Variants in TBX19 observed in about 807,000 individuals in gnomAD.
TBX19 encodes T-box transcription factor 19, also known as T-box transcription factor TBX19.
In TBX19, 33 loss-of-function variants were observed where a neutral mutation model predicts 40.9. The ratio of observed to expected loss-of-function variants is 0.81; its 90% CI spans 0.61 to 1.08. TBX19 has a LOEUF of 1.08. Among genes scored for constraint, TBX19 ranks in the 50% least tolerant of loss-of-function variants. The pLI is 0.00. For missense variants in TBX19, 494 were observed against 574.0 expected (o/e 0.86, Z 1.42); for synonymous variants, 220 against 225.0 (o/e 0.98, Z 0.20).
At chr1:168,294,188 T>G (rs529510069) in intron 3 of TBX19, among the ~76,000 whole-genome samples, 2 of 152,318 alleles carry the variant, frequency 1.3e-5, no homozygotes, top group South Asian at 4.1e-4. Context: ...TTCCTCAGTT[T>G]AAGGGTGTAT....
chr1:168,295,160 G>A (rs977070263), intron 3 of TBX19, among the ~76,000 whole-genome samples: 30 of 151,936 alleles, frequency 2.0e-4, no homozygotes, highest in African/African-American at 6.8e-4. Flanking sequence ...GTGCAGTGGC[G>A]GGTGCCTGTA....
intron 4 of TBX19, among the ~76,000 whole-genome samples, chr1:168,299,132 C>T (rs1009144537): frequency 1.3e-5 from 2 of 151,574 alleles, no homozygotes; most frequent in Non-Finnish European, 2.9e-5. Flanking sequence ...GTTGGCCAGG[C>T]TGGTCTTGAA....
intron 1 of TBX19, 31 bp downstream of exon 1, chr1:168,281,324 G>T (rs1558187899): frequency 6.2e-7 from 1 of 1,601,198 alleles, no homozygotes; most frequent in Non-Finnish European, 8.6e-7. Context: ...GCGTGGGCTG[G>T]CAGGGCTTGG....
rs1416318448 is a variant in TBX19, at chr1:168,305,161, C to T, written c.881C>T (p.Pro294Leu). The T allele has an allele frequency of 3.7e-6, 6 of 1,613,320 alleles. No homozygotes were observed. Among genetic ancestry groups the T allele is most frequent in the South Asian group, 1.1e-5 (1 of 91,084 alleles). Residue 294 changes from proline to leucine, a missense_variant, in exon 6 of 8, where the codon CCT becomes CTT. By Grantham distance (98) the Pro-to-Leu change is moderately conservative. Transcript: ENST00000367821. ...GLRGHRQAPY[P>L]SAYMHRNHSP... ...CGAGGACACCGGCAGGCTCCCTACCCTTCTGCGTACATGCACAGAAACCAT... is the reference window on the plus strand; with the variant it reads ...CGAGGACACCGGCAGGCTCCCTACCTTTCTGCGTACATGCACAGAAACCAT...
intron 5 of TBX19, among the ~76,000 whole-genome samples, chr1:168,302,451 T>C (rs1572480997): frequency 6.6e-6 from 1 of 152,198 alleles, no homozygotes. Flanking sequence ...GCTCTGTTTC[T>C]ATCTGAATCC....
chr1:168,292,800 C>G (rs886861497), intron 2 of TBX19, among the ~76,000 whole-genome samples: 2 of 142,394 alleles, frequency 1.4e-5, no homozygotes, highest in African/African-American at 5.2e-5. Context: ...GGAGGCGGAG[C>G]TTGCAGTGAG....
At chr1:168,301,011 C>T (rs1341287812) in intron 5 of TBX19, among the ~76,000 whole-genome samples, 1 of 152,206 alleles carries the variant, frequency 6.6e-6, no homozygotes, top group African/African-American at 2.4e-5. Context: ...AGGGTGTTAC[C>T]TTGTCCATGT....
intron 3 of TBX19, among the ~76,000 whole-genome samples, chr1:168,296,533 G>A (rs1007809882): frequency 1.3e-5 from 2 of 152,042 alleles, no homozygotes; most frequent in Admixed American, 6.6e-5. Context: ...TCACTACCAC[G>A]AGAACAGTAT....
rs1648633143 is a variant in TBX19 at position 168,281,018 on chromosome 1, G to A, written c.-73G>A. ...CTGTTCAAGTGGGTTTGAAAAGCAGGCAAGTGAGGGAAGGAAGAAGCTAGA... is the reference window on the plus strand; with the variant it reads ...CTGTTCAAGTGGGTTTGAAAAGCAGACAAGTGAGGGAAGGAAGAAGCTAGA... On this transcript the variant is annotated 5_prime_UTR_variant, in exon 1 of 8. Coordinates refer to ENST00000367821, the MANE Select transcript of TBX19 (RefSeq NM_005149.3). 2 of 1,442,444 alleles carry A rather than the reference G, an allele frequency of 1.4e-6. No homozygotes were observed. Among genetic ancestry groups the A allele is most frequent in the Non-Finnish European group, 9.7e-7 (1 of 1,031,772 alleles). 89.4% of individuals were successfully genotyped at this position (1,442,444 alleles called of 1,614,324 possible).
rs59321909 is a variant in TBX19, at chr1:168,283,400, T to C, written c.203+2107T>C. Among the ~76,000 whole-genome samples, 1,293 of 152,304 alleles carry C rather than the reference T, an allele frequency of 8.5e-3. 20 individuals are homozygous for C. Among genetic ancestry groups the C allele is most frequent in the African/African-American group, 0.03 (1,227 of 41,566 alleles). ...GGAGATAGAAAGTTTCCTTTATACT[T>C]TGATTAAAGAAGGGAAGACAAGTCC... On this transcript the variant is annotated intron_variant, in intron 1 of 7. Coordinates refer to ENST00000367821, the MANE Select transcript of TBX19 (RefSeq NM_005149.3).
At position 168,281,111 on chromosome 1, in the gene TBX19, C is replaced by A. The variant is rs1446192015; in HGVS notation, c.21C>A (p.Gly7=). Residue 7 remains glycine (G), a synonymous_variant, in exon 1 of 8, where the codon GGC becomes GGA. Coordinates refer to ENST00000367821, the MANE Select transcript of TBX19 (RefSeq NM_005149.3). ...TGCCTATGGCCATGAGTGAGCTGGG[C>A]ACTCGGAAGCCCAGCGATGGCACTG... is the stretch of plus-strand genomic sequence containing the variant. MAMSEL[G]TRKPSDGTVS... The A allele has an allele frequency of 1.9e-6, 3 of 1,614,098 alleles. No homozygotes were observed. Among genetic ancestry groups the A allele is most frequent in the Non-Finnish European group, 2.5e-6 (3 of 1,179,994 alleles).
chr1:168,304,018 G>GCC (rs1649343394), intron 5 of TBX19, among the ~76,000 whole-genome samples: 1 of 152,056 alleles, frequency 6.6e-6, no homozygotes, highest in African/African-American at 2.4e-5. Context: ...ATCTTATCCT[G>GCC]TGACTAAGAA....
intron 6 of TBX19, among the ~76,000 whole-genome samples, chr1:168,305,745 C>G (rs1649390449): frequency 6.6e-6 from 1 of 152,150 alleles, no homozygotes; most frequent in Admixed American, 6.5e-5. Flanking sequence ...TTTAAGTTAG[C>G]AGTATTGTTT....
At position 168,308,833 on chromosome 1, in the gene TBX19, C is replaced by G. The variant is rs745845963; in HGVS notation, c.1008C>G (p.Ile336Met). Residue 336 changes from isoleucine (I) to methionine (M), a missense_variant, in exon 7 of 8, where the codon ATC becomes ATG. This residue lies in a region of TBX19 where 284 missense variants were observed against 307.3 expected (regional missense o/e 0.92). Transcript: ENST00000367821. ...TSLSSTPHASILSVPHTNGPI... is the reference protein window; with the variant it reads ...TSLSSTPHASMLSVPHTNGPI... Reference sequence around the variant, plus strand: ...TATCCTCCACACCCCATGCCAGCATCCTGTCTGTACCCCACACCAACGGAC... The same window carrying G: ...TATCCTCCACACCCCATGCCAGCATGCTGTCTGTACCCCACACCAACGGAC... The G allele has an allele frequency of 6.2e-7, 1 of 1,614,166 alleles. No homozygotes were observed. Among genetic ancestry groups the G allele is most frequent in the Non-Finnish European group, 8.5e-7 (1 of 1,180,024 alleles).
intron 1 of TBX19, among the ~76,000 whole-genome samples, chr1:168,283,675 A>G (rs1648729849): frequency 6.6e-6 from 1 of 152,068 alleles, no homozygotes; most frequent in Admixed American, 6.5e-5. Flanking sequence ...TGCCCTCCAC[A>G]TCAACTCCCG....
At chr1:168,308,989 G>T (rs934019311) in intron 7 of TBX19, 112 bp downstream of exon 7, 53 of 1,481,306 alleles carry the variant, frequency 3.6e-5, no homozygotes, top group African/African-American at 8.3e-5. Flanking sequence ...CTATTGTCTT[G>T]ACTTCTAAAA....
chr1:168,304,465 G>T (rs1440930465), intron 5 of TBX19, among the ~76,000 whole-genome samples: 1 of 152,164 alleles, frequency 6.6e-6, no homozygotes. Context: ...GCCTATCTTA[G>T]GTTCTACAAT....
At chr1:168,292,152 C>G (rs1278679715) in intron 2 of TBX19, among the ~76,000 whole-genome samples, 1 of 152,166 alleles carries the variant, frequency 6.6e-6, no homozygotes, top group Non-Finnish European at 1.5e-5. Flanking sequence ...CCCTCAGCCT[C>G]CCACCCTGTG....
At position 168,313,269 on chromosome 1, in the gene TBX19, A is replaced by G. The variant is rs146307337; in HGVS notation, c.*267A>G. The G allele has an allele frequency of 1.2e-3, 626 of 538,930 alleles. 2 individuals are homozygous for G. Among genetic ancestry groups the G allele is most frequent in the African/African-American group, 0.011 (564 of 52,766 alleles). 33.4% of individuals were successfully genotyped at this position (538,930 alleles called of 1,614,324 possible). A position where few individuals can be genotyped will look rare whatever the true frequency, so the allele number is the denominator to read the frequency against. On this transcript the variant is annotated 3_prime_UTR_variant, in exon 8 of 8. Transcript: ENST00000367821. ...ATGCTTAGGTGACAGAAGTTTGTTA[A>G]GTACCATCCTTGTGCCCTGCCTCTT...
Sources: allele counts gnomAD v4.1 joint callset (sites outside exome capture counted in the v4.1 genomes callset), GRCh38; gene constraint gnomAD v4.1.1; regional missense constraint gnomAD v4.1.1; transcripts MANE v1.5; gene names NCBI Gene and HGNC (gene_info 2026-07-23, HGNC 2026-07-21).